Variants in MEIS2 observed in about 807,000 individuals in gnomAD.
MEIS2 encodes homeobox protein Meis2.
A neutral mutation model predicts 58.6 loss-of-function variants in MEIS2; 9 were observed. That is an observed-to-expected ratio of 0.15 (90% CI 0.09 to 0.27). MEIS2 has a LOEUF of 0.27. Ranked by LOEUF, MEIS2 falls within the 10% of genes least tolerant of loss-of-function variation. The pLI is 1.00. For synonymous variants in MEIS2, 221 were observed against 228.4 expected, an observed-to-expected ratio of 0.97 and a Z score of 0.29; for missense variants, 427 against 635.0, an observed-to-expected ratio of 0.67 and a Z score of 3.52.
chr15:37,093,925 G>C (rs1893864504), intron 5 of MEIS2, 195 bp from the exon 6 acceptor site: 1 of 616,482 alleles, frequency 1.6e-6, no homozygotes. Flanking sequence ...TGTTGCAGCA[G>C]ATATTATTCT....
intron 9 of MEIS2, among the ~76,000 whole-genome samples, chr15:36,931,994 A>G (rs1348266422): frequency 2.0e-5 from 3 of 152,216 alleles, no homozygotes; most frequent in Non-Finnish European, 4.4e-5. Context: ...CAAAATCCCT[A>G]TTAGCATGAA....
At chr15:37,039,499 C>T (rs1438118251) in intron 7 of MEIS2, among the ~76,000 whole-genome samples, 2 of 152,130 alleles carry the variant, frequency 1.3e-5, no homozygotes, top group African/African-American at 2.4e-5. Flanking sequence ...AAGTCATTTG[C>T]CTTTTTAACC....
In MEIS2 at chr15:37,095,634, A is replaced by G. The variant is rs1894133130; in HGVS notation, c.388-20T>C. ...GCGAACCTGTAAGAAACAGAGAGTC[A>G]ACTTGAACGATCACCCCATTTAAAA... On this transcript the variant is annotated intron_variant, in intron 3 of 11. Coordinates refer to ENST00000561208, the MANE Select transcript of MEIS2 (RefSeq NM_170675.5). 6.2e-7 allele frequency: 1 copy of G among 1,614,080 alleles called. No individual in the cohort carries two copies.
At chr15:36,980,193 G>T (rs940805859) in intron 8 of MEIS2, among the ~76,000 whole-genome samples, 2 of 151,786 alleles carry the variant, frequency 1.3e-5, no homozygotes, top group African/African-American at 4.8e-5. Flanking sequence ...CCCTCAGTTT[G>T]TCATTTTTAT....
intron 7 of MEIS2, among the ~76,000 whole-genome samples, chr15:37,046,508 A>T (rs1219619758): frequency 6.6e-6 from 1 of 152,230 alleles, no homozygotes; most frequent in Non-Finnish European, 1.5e-5. Flanking sequence ...CACTTCACCC[A>T]CTGGTTGGAA....
At position 37,048,824 on chromosome 15, in the gene MEIS2, A is replaced by C. The variant is rs185048797; in HGVS notation, c.755-11865T>G. On this transcript the variant is annotated intron_variant, in intron 7 of 11. Coordinates refer to ENST00000561208, the MANE Select transcript of MEIS2 (RefSeq NM_170675.5). ...AGCTAGTGATAGTTACCTATAGAAAAAATGAACAATAGTATTATGGAGTTG... is the reference window on the plus strand; with the variant it reads ...AGCTAGTGATAGTTACCTATAGAAACAATGAACAATAGTATTATGGAGTTG... Among the ~76,000 whole-genome samples the C allele has an allele frequency of 5.3e-3, 810 of 152,294 alleles. 7 individuals carry two copies. Among genetic ancestry groups the C allele is most frequent in the African/African-American group, 0.019 (771 of 41,572 alleles).
At chr15:36,935,560 G>C (rs1394740982) in intron 9 of MEIS2, among the ~76,000 whole-genome samples, 1 of 152,004 alleles carries the variant, frequency 6.6e-6, no homozygotes, top group Non-Finnish European at 1.5e-5. Context: ...TTAAAACCAA[G>C]GTTACAACAG....
intron 9 of MEIS2, among the ~76,000 whole-genome samples, chr15:36,920,658 A>G (rs2057470271): frequency 2.0e-5 from 3 of 152,244 alleles, no homozygotes; most frequent in African/African-American, 7.2e-5. Context: ...GCAGATAACA[A>G]TCTCTTATTT....
intron 7 of MEIS2, among the ~76,000 whole-genome samples, chr15:37,049,786 CTTTTTTTTTT>C (rs1038583509): frequency 7.0e-6 from 1 of 141,948 alleles, no homozygotes; most frequent in African/African-American, 2.6e-5. Context: ...CGCAGCTGGC[CTTTTTTTTTT>C]TTTTAAGACC....
chr15:37,018,289 C>T (rs921319304), intron 8 of MEIS2, among the ~76,000 whole-genome samples: 1 of 152,108 alleles, frequency 6.6e-6, no homozygotes, highest in Non-Finnish European at 1.5e-5. Context: ...AATTACTGGA[C>T]CTTGCCGGCA....
intron 7 of MEIS2, among the ~76,000 whole-genome samples, chr15:37,054,473 G>A (rs527932817): frequency 1.1e-4 from 16 of 152,264 alleles, no homozygotes; most frequent in East Asian, 5.8e-4. Flanking sequence ...CTGGACTGCC[G>A]TGGAATGATC....
chr15:36,965,445 T>G (rs2059323007), intron 8 of MEIS2, among the ~76,000 whole-genome samples: 1 of 152,206 alleles, frequency 6.6e-6, no homozygotes, highest in South Asian at 2.1e-4. Context: ...GTAATTTAAC[T>G]AAACTCATAC....
At chr15:36,963,310 G>A (rs576155074) in intron 8 of MEIS2, among the ~76,000 whole-genome samples, 1 of 151,670 alleles carries the variant, frequency 6.6e-6, no homozygotes, top group African/African-American at 2.4e-5. Context: ...AACCTGGGAC[G>A]CAGAGTTTGC....
At chr15:36,925,057 C>G (rs1347798081) in intron 9 of MEIS2, among the ~76,000 whole-genome samples, 2 of 152,136 alleles carry the variant, frequency 1.3e-5, no homozygotes, top group African/African-American at 4.8e-5. Context: ...GATGCAGTGA[C>G]TGTCTGGCAC....
rs574716767 is a variant in MEIS2, at chr15:37,067,024, A to T, written c.754+16747T>A. 1.2e-3 allele frequency among the ~76,000 whole-genome samples: 186 copies of T among 150,388 alleles called. 1 individual carries two copies. Among genetic ancestry groups the T allele is most frequent in the African/African-American group, 4.4e-3 (180 of 40,778 alleles). Reference sequence around the variant, plus strand: ...TCGAATACCTGGCTTTAAGTGATTCACCTGCTTTGGCCTCCCAAAGTTCTG... The same window carrying T: ...TCGAATACCTGGCTTTAAGTGATTCTCCTGCTTTGGCCTCCCAAAGTTCTG... On this transcript the variant is annotated intron_variant, in intron 7 of 11. Transcript: ENST00000561208.
intron 7 of MEIS2, among the ~76,000 whole-genome samples, chr15:37,056,829 G>T (rs1230939273): frequency 6.6e-6 from 1 of 152,186 alleles, no homozygotes; most frequent in African/African-American, 2.4e-5. Flanking sequence ...ATGGAGCAGG[G>T]TCCAGCTCCG....
intron 9 of MEIS2, among the ~76,000 whole-genome samples, chr15:36,911,212 G>A (rs2057005607): frequency 6.6e-6 from 1 of 151,638 alleles, no homozygotes; most frequent in South Asian, 2.1e-4. Context: ...ATTTTACTAT[G>A]CCTAAAATGT....
chr15:37,098,929 T>C lies in MEIS2; in HGVS notation c.12+526A>G, dbSNP rs1221677668. 4.1e-6 allele frequency: 4 copies of C among 985,476 alleles called. No homozygotes were observed. In the African/African-American group the frequency reaches 7.0e-5, roughly 17 times the overall value. 61.0% of individuals were successfully genotyped at this position (985,476 alleles called of 1,614,324 possible). Reference sequence around the variant, plus strand: ...AAACATTATTTAGCAGCGGATTCCCTGCGTCCTTGTCAATTTCAGAGACAA... The same window carrying C: ...AAACATTATTTAGCAGCGGATTCCCCGCGTCCTTGTCAATTTCAGAGACAA... On this transcript the variant is annotated intron_variant, in intron 1 of 11. Coordinates refer to ENST00000561208, the MANE Select transcript of MEIS2 (RefSeq NM_170675.5).
At chr15:37,039,516 A>G (rs1029756621) in intron 7 of MEIS2, among the ~76,000 whole-genome samples, 5 of 152,196 alleles carry the variant, frequency 3.3e-5, no homozygotes, top group African/African-American at 4.8e-5. Flanking sequence ...AACCCAATCA[A>G]TGACCTTAAA....
Sources: gnomAD v4.1 joint callset for allele counts (sites outside exome capture counted in the v4.1 genomes callset) on GRCh38, gnomAD v4.1.1 for gene constraint, MANE v1.5 for transcripts, NCBI Gene and HGNC (gene_info 2026-07-23, HGNC 2026-07-21) for gene names.